The following GUCY1A2 variants were observed in gnomAD, a reference collection of about 807,000 sequenced individuals.
GUCY1A2 encodes guanylate cyclase 1 soluble subunit alpha 2.
Under a neutral mutation model 63.5 loss-of-function variants are expected in GUCY1A2, and 27 were observed. That is an observed-to-expected ratio of 0.43 (90% CI 0.31 to 0.59). The LOEUF (loss-of-function observed/expected upper bound fraction) is 0.59. GUCY1A2 is among the 20% of genes least tolerant of loss of function. GUCY1A2 has a pLI of 0.11. For synonymous variants in GUCY1A2, 364 were observed against 343.5 expected (o/e 1.06, Z -0.66); for missense variants, 768 against 913.3 (o/e 0.84, Z 2.05).
intron 6 of GUCY1A2, among the ~76,000 whole-genome samples, chr11:106,709,957 G>C (rs376130667): frequency 0.018 from 1,738 of 98,502 alleles, 21 homozygotes; most frequent in Middle Eastern, 0.078. Flanking sequence ...ATAACATATA[G>C]TTATATATAA....
At chr11:106,834,254 G>C (rs1335778749) in intron 4 of GUCY1A2, among the ~76,000 whole-genome samples, 1 of 151,818 alleles carries the variant, frequency 6.6e-6, no homozygotes, top group Non-Finnish European at 1.5e-5. Context: ...TCTACTATTT[G>C]CTTCTATGTA....
intron 6 of GUCY1A2, among the ~76,000 whole-genome samples, chr11:106,739,045 G>T (rs1863642081): frequency 6.6e-6 from 1 of 152,070 alleles, no homozygotes; most frequent in Non-Finnish European, 1.5e-5. Context: ...TTTTCCATTT[G>T]TTTGTGTCCT....
At chr11:106,947,022 G>C (rs1860838648) in intron 3 of GUCY1A2, among the ~76,000 whole-genome samples, 1 of 152,014 alleles carries the variant, frequency 6.6e-6, no homozygotes, top group Admixed American at 6.6e-5. Context: ...TTCGAGACCA[G>C]CCTGGCCAAG....
intron 3 of GUCY1A2, among the ~76,000 whole-genome samples, chr11:106,944,333 C>G (rs1860796958): frequency 6.6e-6 from 1 of 151,100 alleles, no homozygotes; most frequent in Non-Finnish European, 1.5e-5. Context: ...GCAGTCCCAG[C>G]TACTCTGGAG....
chr11:106,820,524 G>C (rs1335278701), intron 4 of GUCY1A2, among the ~76,000 whole-genome samples: 1 of 152,070 alleles, frequency 6.6e-6, no homozygotes, highest in Non-Finnish European at 1.5e-5. Context: ...TCAGCCTCCT[G>C]AGTAGCTGAA....
chr11:106,769,644 C>T (rs1287640771), intron 6 of GUCY1A2, among the ~76,000 whole-genome samples: 1 of 152,026 alleles, frequency 6.6e-6, no homozygotes. Context: ...CTAAGTTTCA[C>T]CAGTAACATT....
intron 7 of GUCY1A2, among the ~76,000 whole-genome samples, chr11:106,700,438 G>A (rs1862799458): frequency 6.6e-6 from 1 of 152,112 alleles, no homozygotes; most frequent in African/African-American, 2.4e-5. Flanking sequence ...GAGAGACAAA[G>A]AAAGAGATAG....
intron 4 of GUCY1A2, among the ~76,000 whole-genome samples, chr11:106,823,525 T>C (rs973067740): frequency 3.9e-5 from 6 of 152,158 alleles, no homozygotes; most frequent in African/African-American, 9.6e-5. Context: ...TTCCATGACT[T>C]TCCTATTGTG....
intron 7 of GUCY1A2, among the ~76,000 whole-genome samples, chr11:106,703,548 C>G (rs1467359318): frequency 6.6e-6 from 1 of 151,998 alleles, no homozygotes; most frequent in Non-Finnish European, 1.5e-5. Context: ...AGGTTCTGAA[C>G]AGAGGAATGA....
chr11:106,713,572 T>C (rs1302497385), intron 6 of GUCY1A2, among the ~76,000 whole-genome samples: 3 of 138,778 alleles, frequency 2.2e-5, no homozygotes, highest in Non-Finnish European at 4.5e-5. Flanking sequence ...AGTGGCGCGA[T>C]CTCAGCTCAC....
chr11:106,678,020 G>A lies in GUCY1A2; in HGVS notation c.*9529C>T, dbSNP rs1417471864. 4.9e-6 allele frequency: 1 copy of A among 202,432 alleles called. No homozygotes were observed. The highest frequency in any genetic ancestry group is 1.0e-5 in the Non-Finnish European group (1 of 98,424). 12.5% of individuals were successfully genotyped at this position (202,432 alleles called of 1,614,324 possible). A position where few individuals can be genotyped will look rare whatever the true frequency, so the allele number is the denominator to read the frequency against. ...TATAACAAATAAATGAATTTTATGA[G>A]TGCCTGGTGACACACTTGAAACAAA... On this transcript the variant is annotated 3_prime_UTR_variant, in exon 8 of 8. Transcript: ENST00000526355.
intron 5 of GUCY1A2, among the ~76,000 whole-genome samples, chr11:106,780,246 G>A (rs1864434877): frequency 6.6e-6 from 1 of 151,996 alleles, no homozygotes. Context: ...AAGAGGTAGG[G>A]AAGACACAGA....
intron 5 of GUCY1A2, among the ~76,000 whole-genome samples, chr11:106,791,076 C>A: frequency 6.6e-6 from 1 of 152,140 alleles, no homozygotes; most frequent in East Asian, 1.9e-4. Context: ...GTGGCCTGGA[C>A]TGACTTTCAA....
chr11:106,979,148 G>T (rs1386192166), intron 2 of GUCY1A2, among the ~76,000 whole-genome samples: 8 of 152,246 alleles, frequency 5.3e-5, no homozygotes. Context: ...CATAACTTTT[G>T]TCACAGTCAA....
intron 6 of GUCY1A2, among the ~76,000 whole-genome samples, chr11:106,761,713 G>T (rs994140522): frequency 6.6e-6 from 1 of 152,116 alleles, no homozygotes; most frequent in South Asian, 2.1e-4. Flanking sequence ...GTTTAAAAGG[G>T]AAGCTTTGCC....
intron 6 of GUCY1A2, among the ~76,000 whole-genome samples, chr11:106,731,717 T>A (rs758377954): frequency 1.1e-4 from 16 of 152,086 alleles, no homozygotes; most frequent in Non-Finnish European, 2.1e-4. Context: ...TATTTAAAAA[T>A]CAATAGTATT....
At chr11:106,752,363 A>G (rs955416665) in intron 6 of GUCY1A2, among the ~76,000 whole-genome samples, 2 of 152,128 alleles carry the variant, frequency 1.3e-5, no homozygotes, top group African/African-American at 4.8e-5. Flanking sequence ...GGTTTATTCA[A>G]TAGAATATAG....
At position 106,915,546 on chromosome 11, in the gene GUCY1A2, A is replaced by G. The variant is rs997742966; in HGVS notation, c.1206+23914T>C. 4.6e-5 allele frequency among the ~76,000 whole-genome samples: 5 copies of G among 109,830 alleles called. 1 individual carries two copies. In the East Asian group the frequency reaches 1.6e-3, roughly 36 times the overall value. The allele number at this position is 109,830 out of a possible 152,430, so 72.1% of individuals were successfully genotyped here. On this transcript the variant is annotated intron_variant, in intron 4 of 7. Coordinates refer to ENST00000526355, the MANE Select transcript of GUCY1A2 (RefSeq NM_000855.3). ...AGGAGATAAAAAAACATTTTGTAAA[A>G]TGTGGCTAGAACATTGCCTAATTTT...
intron 4 of GUCY1A2, among the ~76,000 whole-genome samples, chr11:106,820,577 T>G (rs1460492501): frequency 2.0e-5 from 3 of 152,084 alleles, no homozygotes; most frequent in Non-Finnish European, 4.4e-5. Context: ...TTTTGTATTT[T>G]TAGTACAGAC....
Sources: gnomAD v4.1 joint callset for allele counts (sites outside exome capture counted in the v4.1 genomes callset) on GRCh38, gnomAD v4.1.1 for gene constraint, MANE v1.5 for transcripts, NCBI Gene and HGNC (gene_info 2026-07-23, HGNC 2026-07-21) for gene names.